Variants in CRYL1 observed in about 807,000 individuals in gnomAD.
CRYL1 encodes the protein crystallin lambda 1.
A neutral mutation model predicts 36.6 loss-of-function variants in CRYL1; 29 were observed. The observed-to-expected ratio is 0.79, with a 90% CI of 0.59 to 1.08. The LOEUF is 1.08. Ranked by LOEUF, CRYL1 falls within the 50% of genes least tolerant of loss-of-function variation. The pLI is 0.00. For synonymous variants in CRYL1, 152 were observed against 151.5 expected, an observed-to-expected ratio of 1.00 and a Z score of -0.02; for missense variants, 411 against 407.9, an observed-to-expected ratio of 1.01 and a Z score of -0.06.
chr13:20,449,713 G>A (rs540647513), intron 3 of CRYL1, among the ~76,000 whole-genome samples: 155 of 152,010 alleles, frequency 1.0e-3, no homozygotes, highest in African/African-American at 3.5e-3. Context: ...CCATCAAAAG[G>A]CTCCTGAAAC....
At position 20,435,454 on chromosome 13, in the gene CRYL1, C is replaced by T. The variant is rs918930333; in HGVS notation, c.439-3158G>A. ...CCTACGGAAGCCGCCGCAAAAGGAC[C>T]TTCGAGGTCTCCCGGCTGGGAAACA... On this transcript the variant is annotated intron_variant, in intron 4 of 7. Transcript: ENST00000298248. The surrounding 1 kb of genome is among the most constrained non-coding windows in gnomAD (Gnocchi z 4.0). 1.6e-4 allele frequency among the ~76,000 whole-genome samples: 25 copies of T among 152,174 alleles called. 1 individual carries two copies. The highest frequency in any genetic ancestry group is 6.2e-4 in the South Asian group (3 of 4,828).
At chr13:20,485,032 T>C (rs2033367406) in intron 3 of CRYL1, among the ~76,000 whole-genome samples, 3 of 152,176 alleles carry the variant, frequency 2.0e-5, no homozygotes, top group African/African-American at 7.2e-5. Context: ...TTGTTGTTGT[T>C]GTTGAGACAA....
At chr13:20,488,154 C>G (rs2033437767) in intron 3 of CRYL1, among the ~76,000 whole-genome samples, 1 of 152,216 alleles carries the variant, frequency 6.6e-6, no homozygotes, top group East Asian at 1.9e-4. Context: ...TCTGCCAAGA[C>G]CAGGCCTGGA....
At chr13:20,467,993 T>C (rs936822271) in intron 3 of CRYL1, among the ~76,000 whole-genome samples, 1 of 152,018 alleles carries the variant, frequency 6.6e-6, no homozygotes, top group African/African-American at 2.4e-5. Context: ...TAGGTTGTGC[T>C]CTCCTCATGA....
At chr13:20,471,981 C>G (rs1178959363) in intron 3 of CRYL1, among the ~76,000 whole-genome samples, 1 of 152,140 alleles carries the variant, frequency 6.6e-6, no homozygotes, top group Non-Finnish European at 1.5e-5. Flanking sequence ...TTGCCTTAGC[C>G]TCCTGAGTAG....
intron 4 of CRYL1, among the ~76,000 whole-genome samples, chr13:20,438,918 A>G (rs2032290778): frequency 6.6e-6 from 1 of 152,154 alleles, no homozygotes; most frequent in Non-Finnish European, 1.5e-5. Flanking sequence ...CAATACATTA[A>G]TCGCTGAAAG....
chr13:20,502,168 T>G (rs1448374769), intron 2 of CRYL1, among the ~76,000 whole-genome samples: 1 of 152,122 alleles, frequency 6.6e-6, no homozygotes, highest in African/African-American at 2.4e-5. Flanking sequence ...TTCACACCCA[T>G]TAGCCACCCA....
chr13:20,404,929 C>T (rs1019879612), intron 6 of CRYL1, among the ~76,000 whole-genome samples, 188 bp from the exon 7 acceptor site: 4 of 152,170 alleles, frequency 2.6e-5, no homozygotes, highest in Non-Finnish European at 5.9e-5. Context: ...GCGACCCTCC[C>T]CATTACGCAC....
At chr13:20,405,874 G>C (rs1389513404) in intron 6 of CRYL1, 1 of 152,420 alleles carries the variant, frequency 6.6e-6, no homozygotes, top group Non-Finnish European at 1.5e-5. Context: ...GCACTGGCCT[G>C]CCCCGACCCG....
chr13:20,510,027 A>G (rs924882880), intron 2 of CRYL1, among the ~76,000 whole-genome samples: 2 of 152,246 alleles, frequency 1.3e-5, no homozygotes, highest in Admixed American at 6.5e-5. Context: ...TGGTAAGGAT[A>G]TGGAGCAATG....
chr13:20,516,149 C>T (rs1183494905), intron 1 of CRYL1, among the ~76,000 whole-genome samples: 1 of 141,266 alleles, frequency 7.1e-6, no homozygotes, highest in Non-Finnish European at 1.5e-5. Flanking sequence ...CAAGATGGCA[C>T]CACTTCACTC....
At position 20,415,528 on chromosome 13, in the gene CRYL1, G is replaced by A. The variant is rs2031640605; in HGVS notation, c.634-2141C>T. ...GGACGGCCACAGCCACGCCACCACCGGCGAGGGCGAGGGCCAGGGCCACTC... is the reference window on the plus strand; with the variant it reads ...GGACGGCCACAGCCACGCCACCACCAGCGAGGGCGAGGGCCAGGGCCACTC... On this transcript the variant is annotated intron_variant, in intron 5 of 7. Coordinates refer to ENST00000298248, the MANE Select transcript of CRYL1 (RefSeq NM_015974.3). The surrounding 1 kb of genome is among the most constrained non-coding windows in gnomAD (Gnocchi z 4.1). Among the ~76,000 whole-genome samples, 1 of 151,734 alleles carries A rather than the reference G, an allele frequency of 6.6e-6. No individual in the cohort carries two copies. The highest frequency in any genetic ancestry group is 2.4e-5 in the African/African-American group (1 of 41,454).
At chr13:20,505,112 T>C (rs2033769037) in intron 2 of CRYL1, among the ~76,000 whole-genome samples, 1 of 152,104 alleles carries the variant, frequency 6.6e-6, no homozygotes, top group South Asian at 2.1e-4. Context: ...TCCGAGCACT[T>C]TGGGAGACCA....
chr13:20,430,688 C>T (rs975902656), intron 5 of CRYL1: 1 of 985,224 alleles, frequency 1.0e-6, no homozygotes, highest in South Asian at 4.7e-5. Context: ...TGGGCTCACA[C>T]CTTTCATATT....
chr13:20,415,953 C>T lies in CRYL1; in HGVS notation c.634-2566G>A, dbSNP rs1322629063. ...GATATGAGTTTAGTCATCCACCCTGCGGCCATGAGCCTTTGGCTAGTCTGG... is the reference window on the plus strand; with the variant it reads ...GATATGAGTTTAGTCATCCACCCTGTGGCCATGAGCCTTTGGCTAGTCTGG... On this transcript the variant is annotated intron_variant, in intron 5 of 7. Coordinates refer to ENST00000298248, the MANE Select transcript of CRYL1 (RefSeq NM_015974.3). The surrounding 1 kb of genome is among the most constrained non-coding windows in gnomAD (Gnocchi z 4.1). Among the ~76,000 whole-genome samples, 1 of 152,212 alleles carries T rather than the reference C, an allele frequency of 6.6e-6. No homozygotes were observed. The highest frequency in any genetic ancestry group is 1.5e-5 in the Non-Finnish European group (1 of 68,030).
intron 2 of CRYL1, among the ~76,000 whole-genome samples, chr13:20,512,214 T>A (rs1484124381): frequency 6.6e-6 from 1 of 152,204 alleles, no homozygotes; most frequent in African/African-American, 2.4e-5. Flanking sequence ...TTGATGCAGA[T>A]CCTCTTAGCA....
At chr13:20,476,354 C>CA (rs34453641) in intron 3 of CRYL1, among the ~76,000 whole-genome samples, 1,467 of 98,476 alleles carry the variant, frequency 0.015, 18 homozygotes, top group African/African-American at 0.034. Flanking sequence ...AACTCCATCT[C>CA]AAAAAAAAAA....
intron 3 of CRYL1, among the ~76,000 whole-genome samples, chr13:20,469,771 G>T (rs143811660): frequency 3.3e-5 from 5 of 152,220 alleles, no homozygotes; most frequent in African/African-American, 1.2e-4. Context: ...CCTGTCAAAG[G>T]TCTTGGCTGA....
chr13:20,422,317 G>A (rs953184884), intron 5 of CRYL1, among the ~76,000 whole-genome samples: 5 of 146,532 alleles, frequency 3.4e-5, no homozygotes, highest in African/African-American at 5.1e-5. Context: ...CCGAGATCAC[G>A]CCATTGCACT....
Sources: gnomAD v4.1 joint callset for allele counts (sites outside exome capture counted in the v4.1 genomes callset) on GRCh38, gnomAD v4.1.1 for gene constraint, Gnocchi (gnomAD v3.1) non-coding constraint, MANE v1.5 for transcripts, NCBI Gene and HGNC (gene_info 2026-07-23, HGNC 2026-07-21) for gene names.